Variants in KCNMB2 observed in about 807,000 individuals in gnomAD.
KCNMB2 encodes the protein potassium calcium-activated channel subfamily M regulatory beta subunit 2, also known as calcium-activated potassium channel subunit beta-2.
KCNMB2 carries 9 observed loss-of-function variants against 24.5 expected under a neutral mutation model. That is an observed-to-expected ratio of 0.37 (90% CI 0.22 to 0.64). The LOEUF (loss-of-function observed/expected upper bound fraction) is 0.64, where lower values mean the gene tolerates loss of function less well. KCNMB2 is among the 30% of genes least tolerant of loss of function. KCNMB2 has a pLI of 0.63. For missense variants in KCNMB2, 226 were observed against 284.3 expected (o/e 0.79, Z 1.47); for synonymous variants, 109 against 104.4 (o/e 1.04, Z -0.27).
chr3:178,657,939 T>C (rs1260521016), intron 1 of KCNMB2, among the ~76,000 whole-genome samples: 1 of 152,226 alleles, frequency 6.6e-6, no homozygotes. Flanking sequence ...AATGACCTAA[T>C]TGCTTCTTAA....
chr3:178,826,746 T>G (rs1422531755), intron 3 of KCNMB2, among the ~76,000 whole-genome samples: 1 of 152,272 alleles, frequency 6.6e-6, no homozygotes, highest in Non-Finnish European at 1.5e-5. Context: ...ACTTTCATTT[T>G]AGAAGCAAAA....
chr3:178,551,455 G>A (rs1161741501), intron 1 of KCNMB2, among the ~76,000 whole-genome samples: 1 of 152,150 alleles, frequency 6.6e-6, no homozygotes, highest in African/African-American at 2.4e-5. Flanking sequence ...AGGCCACACT[G>A]CCTGACCTAA....
At chr3:178,715,062 C>T (rs1722575283) in intron 1 of KCNMB2, among the ~76,000 whole-genome samples, 1 of 152,146 alleles carries the variant, frequency 6.6e-6, no homozygotes, top group African/African-American at 2.4e-5. Flanking sequence ...TTTGAAGGTT[C>T]CAGCCTACTT....
chr3:178,563,282 T>C (rs1577012625), intron 1 of KCNMB2, among the ~76,000 whole-genome samples: 1 of 152,342 alleles, frequency 6.6e-6, no homozygotes, highest in East Asian at 1.9e-4. Flanking sequence ...GTAAAGCACC[T>C]AAAGTAGTAT....
intron 1 of KCNMB2, among the ~76,000 whole-genome samples, chr3:178,587,579 A>G (rs949407773): frequency 6.7e-6 from 1 of 148,236 alleles, no homozygotes; most frequent in African/African-American, 2.5e-5. Flanking sequence ...ATGTGCCGCC[A>G]CACCCGGCTA....
At chr3:178,715,344 C>T (rs1275305342) in intron 1 of KCNMB2, among the ~76,000 whole-genome samples, 2 of 147,374 alleles carry the variant, frequency 1.4e-5, no homozygotes, top group Admixed American at 6.8e-5. Context: ...TTGTCTTTTT[C>T]GTTGTTGTTT....
At chr3:178,558,663 A>C (rs769820675) in intron 1 of KCNMB2, 2 of 152,184 alleles carry the variant, frequency 1.3e-5, no homozygotes, top group Non-Finnish European at 2.9e-5. Context: ...TATCAGTAAA[A>C]TAGAGGAGCG....
Position 178,581,243 on chromosome 3 carries a change from C to T in KCNMB2, c.-68+44532C>T, listed in dbSNP as rs185933942. Reference sequence around the variant, plus strand: ...CTACAACCATCTGGTCTTTGACAGACGTGACAAAAACAAGCTATGGGGAAA... The same window carrying T: ...CTACAACCATCTGGTCTTTGACAGATGTGACAAAAACAAGCTATGGGGAAA... On this transcript the variant is annotated intron_variant, in intron 1 of 4. Coordinates refer to ENST00000452583, the MANE Select transcript of KCNMB2 (RefSeq NM_181361.3). Among the ~76,000 whole-genome samples the T allele has an allele frequency of 1.7e-4, 26 of 152,186 alleles. No homozygotes were observed. The South Asian group carries it at 3.9e-3, about 23-fold the overall frequency.
At chr3:178,831,727 A>C (rs1715064717) in intron 4 of KCNMB2, among the ~76,000 whole-genome samples, 1 of 152,146 alleles carries the variant, frequency 6.6e-6, no homozygotes, top group South Asian at 2.1e-4. Context: ...TGAATGAAAA[A>C]GCACACACCA....
chr3:178,639,180 T>A (rs1361303207), intron 1 of KCNMB2, among the ~76,000 whole-genome samples: 1 of 152,056 alleles, frequency 6.6e-6, no homozygotes, highest in Non-Finnish European at 1.5e-5. Context: ...ATATATGATC[T>A]GTTTTATACA....
chr3:178,745,483 A>G (rs1168412412), intron 1 of KCNMB2, among the ~76,000 whole-genome samples: 1 of 152,204 alleles, frequency 6.6e-6, no homozygotes, highest in Non-Finnish European at 1.5e-5. Flanking sequence ...GGGTGCAGAC[A>G]CAGCCAAACC....
At chr3:178,629,614 T>A (rs2035177) in intron 1 of KCNMB2, among the ~76,000 whole-genome samples, 1 of 152,040 alleles carries the variant, frequency 6.6e-6, no homozygotes, top group South Asian at 2.1e-4. Context: ...TATTTTGTTA[T>A]GTAATAGTTA....
At chr3:178,699,038 T>G (rs545828587) in intron 1 of KCNMB2, among the ~76,000 whole-genome samples, 3 of 152,372 alleles carry the variant, frequency 2.0e-5, no homozygotes, top group East Asian at 3.9e-4. Flanking sequence ...GACGCAGGGC[T>G]GCCTGCCATC....
chr3:178,699,439 G>A (rs1722004962), intron 1 of KCNMB2, among the ~76,000 whole-genome samples: 1 of 152,220 alleles, frequency 6.6e-6, no homozygotes, highest in Non-Finnish European at 1.5e-5. Flanking sequence ...ATGTGGGCTT[G>A]GGGAAAGCTG....
chr3:178,799,408 T>G (rs1024845081), intron 1 of KCNMB2, among the ~76,000 whole-genome samples: 41 of 151,784 alleles, frequency 2.7e-4, no homozygotes, highest in African/African-American at 9.9e-4. Flanking sequence ...AAAAAGAAAT[T>G]AAGAAAGTAA....
chr3:178,613,108 A>T (rs1718553454), intron 1 of KCNMB2, among the ~76,000 whole-genome samples: 1 of 152,184 alleles, frequency 6.6e-6, no homozygotes, highest in African/African-American at 2.4e-5. Context: ...AATGACAAAG[A>T]GTTGTTAGGC....
intron 1 of KCNMB2, among the ~76,000 whole-genome samples, chr3:178,551,268 C>T (rs1715944556): frequency 6.6e-6 from 1 of 152,190 alleles, no homozygotes; most frequent in South Asian, 2.1e-4. Flanking sequence ...GTAGATTACA[C>T]ATTGAATTCA....
rs9812001 is a variant in KCNMB2 at position 178,539,740 on chromosome 3, C to T, written c.-68+3029C>T. Among the ~76,000 whole-genome samples the T allele has an allele frequency of 5.4e-3, 809 of 151,132 alleles. 6 individuals are homozygous for T. The highest frequency in any genetic ancestry group is 0.018 in the African/African-American group (757 of 41,204). On this transcript the variant is annotated intron_variant, in intron 1 of 4. Coordinates refer to ENST00000452583, the MANE Select transcript of KCNMB2 (RefSeq NM_181361.3). Reference sequence around the variant, plus strand: ...AAGAGAGAGAGAGAGTGTGTGTGTGCGTGTGTGTGTGTTGAGTGTGCATGT... The same window carrying T: ...AAGAGAGAGAGAGAGTGTGTGTGTGTGTGTGTGTGTGTTGAGTGTGCATGT...
At chr3:178,768,054 A>G (rs996420204) in intron 1 of KCNMB2, among the ~76,000 whole-genome samples, 1 of 151,110 alleles carries the variant, frequency 6.6e-6, no homozygotes, top group Non-Finnish European at 1.5e-5. Context: ...ATCTTCCCCC[A>G]CTACCTACTA....
Sources: allele counts gnomAD v4.1 joint callset (sites outside exome capture counted in the v4.1 genomes callset), GRCh38; gene constraint gnomAD v4.1.1; transcripts MANE v1.5; gene names NCBI Gene and HGNC (gene_info 2026-07-23, HGNC 2026-07-21).